The following CREB3L2 variants were observed in gnomAD, a reference collection of about 807,000 sequenced individuals.
The protein encoded by CREB3L2 is cAMP responsive element binding protein 3 like 2.
Under a neutral mutation model 57.2 loss-of-function variants are expected in CREB3L2, and 23 were observed. The observed-to-expected ratio is 0.40, with a 90% confidence interval of 0.29 to 0.57. The LOEUF (loss-of-function observed/expected upper bound fraction) is 0.57, where lower values mean the gene tolerates loss of function less well. Among genes scored for constraint, CREB3L2 ranks in the 20% least tolerant of loss-of-function variants. The probability of loss-of-function intolerance (pLI) is 0.42; values close to 1 mark genes in which losing one functional copy is unlikely to be tolerated. For synonymous variants in CREB3L2, 268 were observed against 265.1 expected, an observed-to-expected ratio of 1.01 and a Z score of -0.11; for missense variants, 628 against 634.7, an observed-to-expected ratio of 0.99 and a Z score of 0.11.
chr7:137,958,212 G>T (rs1268456094), intron 1 of CREB3L2, among the ~76,000 whole-genome samples: 2 of 152,158 alleles, frequency 1.3e-5, no homozygotes, highest in East Asian at 3.9e-4. Flanking sequence ...CCAAGGCTAT[G>T]CGTAACAAAC....
intron 2 of CREB3L2, among the ~76,000 whole-genome samples, chr7:137,922,413 T>TATATATATATA (rs1800326634): frequency 1.4e-4 from 3 of 21,118 alleles, no homozygotes; most frequent in Non-Finnish European, 2.5e-4. Flanking sequence ...TATATATATA[T>TATATATATATA]ATGTATATAT....
chr7:137,885,567 A>C (rs1799400641), intron 8 of CREB3L2, 65 bp from the exon 9 acceptor site: 1 of 1,328,194 alleles, frequency 7.5e-7, no homozygotes, highest in Admixed American at 1.8e-5. Context: ...TGATCTCTCC[A>C]TGTGACCCAA....
At chr7:137,952,843 C>T (rs948613007) in intron 1 of CREB3L2, among the ~76,000 whole-genome samples, 11 of 152,072 alleles carry the variant, frequency 7.2e-5, no homozygotes, top group African/African-American at 2.7e-4. Context: ...GGGTCTCTCT[C>T]TCTCACTCTT....
At chr7:137,998,084 A>C (rs939595855) in intron 1 of CREB3L2, among the ~76,000 whole-genome samples, 1 of 152,210 alleles carries the variant, frequency 6.6e-6, no homozygotes, top group Non-Finnish European at 1.5e-5. Flanking sequence ...GCAATTCAGG[A>C]TCTAATGATC....
At chr7:137,956,603 C>T (rs145562375) in intron 1 of CREB3L2, 104 of 1,288,984 alleles carry the variant, frequency 8.1e-5, no homozygotes, top group South Asian at 5.3e-4. Context: ...ATCCTTCACA[C>T]GGACAGCCAT....
Position 137,896,186 on chromosome 7 carries a change from CAA to C in CREB3L2, c.1043+5166_1043+5167del, listed in dbSNP as rs1336862635. On this transcript the variant is annotated intron_variant, in intron 8 of 11. Coordinates refer to ENST00000330387, the MANE Select transcript of CREB3L2 (RefSeq NM_194071.4). The stretch of plus-strand genomic sequence containing the variant: ...CGCCACAGACGCCCTCGGCAGAAAA[CAA>C]AGAGAAAGGGGGAAGAGCAGTTAGA... Among the ~76,000 whole-genome samples the C allele has an allele frequency of 2.6e-5, 4 of 152,340 alleles. No homozygotes were observed. The East Asian group carries it at 5.8e-4, about 22-fold the overall frequency.
intron 1 of CREB3L2, among the ~76,000 whole-genome samples, chr7:137,983,604 G>T (rs908740830): frequency 1.1e-4 from 17 of 152,194 alleles, no homozygotes; most frequent in African/African-American, 3.6e-4. Context: ...ACACACCATT[G>T]TGAGCCGCCA....
chr7:137,886,125 A>C (rs1218538829), intron 8 of CREB3L2, among the ~76,000 whole-genome samples: 1 of 152,234 alleles, frequency 6.6e-6, no homozygotes, highest in Non-Finnish European at 1.5e-5. Context: ...CAGAACTGTA[A>C]GAGATCAATT....
chr7:137,897,017 G>T (rs1799640868), intron 8 of CREB3L2, among the ~76,000 whole-genome samples: 1 of 152,160 alleles, frequency 6.6e-6, no homozygotes, highest in African/African-American at 2.4e-5. Context: ...AATACATTCT[G>T]AGGATCTACT....
At chr7:137,955,360 G>T in intron 1 of CREB3L2, 1 of 1,238,496 alleles carries the variant, frequency 8.1e-7, no homozygotes, top group Non-Finnish European at 1.1e-6. Context: ...GATGGGGGAG[G>T]GCGAAGATGG....
Position 137,875,278 on chromosome 7 carries a change from C to T in CREB3L2, c.*5198G>A, listed in dbSNP as rs1019751477. ...GCTCACCGTTGATTATAGCTCAGGG[C>T]CTGCTCAGCATTGTTTAAAAAGGGT... is the stretch of plus-strand genomic sequence containing the variant. On this transcript the variant is annotated 3_prime_UTR_variant, in exon 12 of 12. Transcript: ENST00000330387. 1 of 219,668 alleles carries T rather than the reference C, an allele frequency of 4.6e-6. No individual in the cohort carries two copies. The highest frequency in any genetic ancestry group is 5.8e-5 in the Admixed American group (1 of 17,290). The allele number at this position is 219,668 out of a possible 1,614,324, so 13.6% of individuals were successfully genotyped here. A position where few individuals can be genotyped will look rare whatever the true frequency, so the allele number is the denominator to read the frequency against.
In CREB3L2 at chr7:137,885,124, G is replaced by A. The variant is rs2117176770; in HGVS notation, c.1144-3C>T. The stretch of plus-strand genomic sequence containing the variant: ...ACGGCAAAGCACAGCACCACAACCT[G>A]TGGGAGAGAAAGAGGGGAGAGAGAA... On this transcript the variant is annotated splice_region_variant and splice_polypyrimidine_tract_variant and intron_variant, in intron 9 of 11. Coordinates refer to ENST00000330387, the MANE Select transcript of CREB3L2 (RefSeq NM_194071.4). 2 of 1,613,968 alleles carry A rather than the reference G, an allele frequency of 1.2e-6. No individual in the cohort carries two copies. The highest frequency in any genetic ancestry group is 4.5e-5 in the East Asian group (2 of 44,882).
At chr7:137,993,424 A>G (rs192792098) in intron 1 of CREB3L2, among the ~76,000 whole-genome samples, 1 of 152,342 alleles carries the variant, frequency 6.6e-6, no homozygotes, top group African/African-American at 2.4e-5. Flanking sequence ...AAACAAGAAA[A>G]GATATCAACA....
intron 1 of CREB3L2, among the ~76,000 whole-genome samples, chr7:137,969,885 T>C (rs1050529878): frequency 6.6e-5 from 10 of 152,142 alleles, no homozygotes; most frequent in African/African-American, 1.9e-4. Flanking sequence ...ATGTCTTGAC[T>C]GTATTATTTT....
chr7:137,911,520 A>C (rs1800004704), intron 4 of CREB3L2, among the ~76,000 whole-genome samples: 1 of 152,246 alleles, frequency 6.6e-6, no homozygotes, highest in African/African-American at 2.4e-5. Context: ...ACAGTAGTGA[A>C]CTGTACTTTG....
chr7:137,929,782 T>A (rs1800571794), intron 1 of CREB3L2, among the ~76,000 whole-genome samples: 1 of 150,068 alleles, frequency 6.7e-6, no homozygotes, highest in African/African-American at 2.4e-5. Flanking sequence ...GGCAGGAGAA[T>A]CGCTTGAACC....
At chr7:137,908,224 G>C in intron 5 of CREB3L2, 28 bp downstream of exon 5, 2 of 1,245,992 alleles carry the variant, frequency 1.6e-6, no homozygotes. Context: ...GGTTCCCTTT[G>C]GTCCAGGAAT....
In CREB3L2 at chr7:137,878,700, A is replaced by G; in HGVS notation, c.*1776T>C. The G allele has an allele frequency of 4.3e-6, 1 of 234,064 alleles. No individual in the cohort carries two copies. The highest frequency in any genetic ancestry group is 8.4e-6 in the Non-Finnish European group (1 of 118,676). 14.5% of individuals were successfully genotyped at this position (234,064 alleles called of 1,614,324 possible). ...GAGAAGATGAACTTGGCCGCTTTCC[A>G]GGCTGGAACCGTCTCCAGCATAGCA... On this transcript the variant is annotated 3_prime_UTR_variant, in exon 12 of 12. Coordinates refer to ENST00000330387, the MANE Select transcript of CREB3L2 (RefSeq NM_194071.4).
Position 138,001,812 on chromosome 7 carries a change from G to T in CREB3L2, c.-107C>A. On this transcript the variant is annotated 5_prime_UTR_variant, in exon 1 of 12. Transcript: ENST00000330387. The surrounding 1 kb of genome is among the most constrained non-coding windows in gnomAD (Gnocchi z 4.2). ...TCTCTCCGCGTGTGCTTGCGTGTGT[G>T]CGCGCGCGTGTCTGTAGTTTTGCAC... 1.4e-6 allele frequency: 1 copy of T among 728,752 alleles called. No homozygotes were observed. The highest frequency in any genetic ancestry group is 2.1e-6 in the Non-Finnish European group (1 of 475,550). The allele number at this position is 728,752 out of a possible 1,614,324, so 45.1% of individuals were successfully genotyped here.
Sources: allele counts gnomAD v4.1 joint callset (sites outside exome capture counted in the v4.1 genomes callset), GRCh38; gene constraint gnomAD v4.1.1; non-coding constraint Gnocchi (gnomAD v3.1); transcripts MANE v1.5; gene names NCBI Gene and HGNC (gene_info 2026-07-23, HGNC 2026-07-21).